STAT4: variants seen among roughly 807,000 people sequenced by gnomAD.
The protein encoded by STAT4 is signal transducer and activator of transcription 4.
Under a neutral mutation model 110.5 loss-of-function variants are expected in STAT4, and 42 were observed. That is an observed-to-expected ratio of 0.38 (90% confidence interval 0.30 to 0.49). The LOEUF is 0.49. Ranked by LOEUF, STAT4 falls within the 20% of genes least tolerant of loss-of-function variation. The pLI, the probability that STAT4 is intolerant of heterozygous loss-of-function variation, is 0.95. For missense variants in STAT4, 632 were observed against 887.9 expected (o/e 0.71, Z 3.66); for synonymous variants, 284 against 302.2 (o/e 0.94, Z 0.63).
intron 3 of STAT4, among the ~76,000 whole-genome samples, chr2:191,122,749 C>G (rs1320298917): frequency 1.3e-5 from 2 of 152,132 alleles, no homozygotes; most frequent in African/African-American, 4.8e-5. Context: ...TGAAAAAAGT[C>G]TAACTCCAGA....
intron 3 of STAT4, among the ~76,000 whole-genome samples, chr2:191,101,768 T>C (rs754249215): frequency 1.1e-4 from 17 of 152,130 alleles, no homozygotes; most frequent in Non-Finnish European, 2.2e-4. Flanking sequence ...GAGTGTTCAA[T>C]TGAAATTGTC....
intron 3 of STAT4, among the ~76,000 whole-genome samples, chr2:191,124,453 C>CA (rs34438452): frequency 0.062 from 4,392 of 71,048 alleles, 161 homozygotes; most frequent in East Asian, 0.084. Flanking sequence ...GACGCCGTCT[C>CA]AAAAAAAAAA....
rs1374625478 is a variant in STAT4 at position 191,043,260 on chromosome 2, C to T, written c.1252-2112G>A. 6.6e-6 allele frequency among the ~76,000 whole-genome samples: 1 copy of T among 151,654 alleles called. No homozygotes were observed. The highest frequency in any genetic ancestry group is 1.5e-5 in the Non-Finnish European group (1 of 67,924). On this transcript the variant is annotated intron_variant, in intron 14 of 23. Transcript: ENST00000392320. This position sits in a 1 kb window ranked among gnomAD's most constrained non-coding sequence, Gnocchi z 4.8. ...TAGACAAGTCAGTAAAAAGATTGGACATAAAGTAGAGGAAATTTCCCAGAA... is the reference window on the plus strand; with the variant it reads ...TAGACAAGTCAGTAAAAAGATTGGATATAAAGTAGAGGAAATTTCCCAGAA...
At chr2:191,067,328 A>T (rs1574725116) in intron 6 of STAT4, among the ~76,000 whole-genome samples, 1 of 152,262 alleles carries the variant, frequency 6.6e-6, no homozygotes, top group East Asian at 1.9e-4. Context: ...GCACACGTGA[A>T]GTGCTCGGAA....
Position 191,150,137 on chromosome 2 carries a change from A to C in STAT4, c.-2+810T>G, listed in dbSNP as rs1699557397. ...TTACAATTGTGTGTCAAATGAAAAT[A>C]AAAGGAAAATTAAAAAAAATAAAAA... On this transcript the variant is annotated intron_variant, in intron 1 of 23. Transcript: ENST00000392320. The surrounding 1 kb of genome is among the most constrained non-coding windows in gnomAD (Gnocchi z 6.4). Among the ~76,000 whole-genome samples, 1 of 152,230 alleles carries C rather than the reference A, an allele frequency of 6.6e-6. No homozygotes were observed. Among genetic ancestry groups the C allele is most frequent in the South Asian group, 2.1e-4 (1 of 4,834 alleles).
rs57036793 is a variant in STAT4 at position 191,140,415 on chromosome 2, C to T, written c.273+6198G>A. On this transcript the variant is annotated intron_variant, in intron 3 of 23. Coordinates refer to ENST00000392320, the MANE Select transcript of STAT4 (RefSeq NM_003151.4). The surrounding 1 kb of genome is among the most constrained non-coding windows in gnomAD (Gnocchi z 4.4). ...AATCAGCAAAAAAACTAATAATAAT[C>T]CCATCAAAAAGCGGGCAAAGGACTT... Among the ~76,000 whole-genome samples the T allele has an allele frequency of 1.8e-3, 278 of 152,258 alleles. No homozygotes were observed. The highest frequency in any genetic ancestry group is 6.4e-3 in the African/African-American group (267 of 41,548).
rs766658919 is a variant in STAT4, at chr2:191,091,450, A to T, written c.274-15125T>A. On this transcript the variant is annotated intron_variant, in intron 3 of 23. Transcript: ENST00000392320. The surrounding 1 kb of genome is among the most constrained non-coding windows in gnomAD (Gnocchi z 5.4). ...AAATCTGAGAAGACACATTAAAAAC[A>T]TAAATTCTAAATGTGAGAGACTTGT... 1.3e-5 allele frequency among the ~76,000 whole-genome samples: 2 copies of T among 152,242 alleles called. No homozygotes were observed. The highest frequency in any genetic ancestry group is 4.8e-5 in the African/African-American group (2 of 41,462).
chr2:191,149,749 C>T (rs114927509), intron 1 of STAT4, among the ~76,000 whole-genome samples: 132 of 152,224 alleles, frequency 8.7e-4, no homozygotes, highest in South Asian at 3.9e-3. Context: ...TGTTCTCATG[C>T]TACTATCAAC....
At chr2:191,094,917 CAAAAAAAAAAAAAA>C (rs1165913847) in intron 3 of STAT4, among the ~76,000 whole-genome samples, 1 of 77,920 alleles carries the variant, frequency 1.3e-5, no homozygotes, top group Non-Finnish European at 2.3e-5. Flanking sequence ...AAATGGAAAG[CAAAAAAAAAAAAAA>C]AAAAAAAGTA....
Position 191,140,368 on chromosome 2 carries a change from T to C in STAT4, c.273+6245A>G, listed in dbSNP as rs1040096695. 6.6e-6 allele frequency among the ~76,000 whole-genome samples: 1 copy of C among 152,094 alleles called. No homozygotes were observed. Among genetic ancestry groups the C allele is most frequent in the Non-Finnish European group, 1.5e-5 (1 of 67,976 alleles). On this transcript the variant is annotated intron_variant, in intron 3 of 23. Coordinates refer to ENST00000392320, the MANE Select transcript of STAT4 (RefSeq NM_003151.4). This position sits in a 1 kb window ranked among gnomAD's most constrained non-coding sequence, Gnocchi z 4.4. ...GTATCTGACAAAGGACTAATATCCA[T>C]AATCTGCAAGGAACTCAAACAAATC... is the stretch of plus-strand genomic sequence containing the variant.
rs1256061030 is a variant in STAT4 at position 191,061,523 on chromosome 2, C to T, written c.1034+206G>A. 6.6e-6 allele frequency among the ~76,000 whole-genome samples: 1 copy of T among 152,182 alleles called. No homozygotes were observed. Among genetic ancestry groups the T allele is most frequent in the Non-Finnish European group, 1.5e-5 (1 of 68,032 alleles). On this transcript the variant is annotated intron_variant, in intron 10 of 23. Coordinates refer to ENST00000392320, the MANE Select transcript of STAT4 (RefSeq NM_003151.4). The surrounding 1 kb of genome is among the most constrained non-coding windows in gnomAD (Gnocchi z 6.2). Reference sequence around the variant, plus strand: ...ACTTTCAGGCTAATATCCCTTATGTCCTCATCTGCACTGTCATGCTCTTGA... The same window carrying T: ...ACTTTCAGGCTAATATCCCTTATGTTCTCATCTGCACTGTCATGCTCTTGA...
In STAT4 at chr2:191,061,619, G is replaced by T. The variant is rs1574719485; in HGVS notation, c.1034+110C>A. The T allele has an allele frequency of 9.8e-7, 1 of 1,016,822 alleles. No individual in the cohort carries two copies. Among genetic ancestry groups the T allele is most frequent in the Non-Finnish European group, 1.6e-6 (1 of 642,970 alleles). The allele number at this position is 1,016,822 out of a possible 1,614,324, so 63.0% of individuals were successfully genotyped here. A position where few individuals can be genotyped will look rare whatever the true frequency, so the allele number is the denominator to read the frequency against. ...CTCAGAGCTGGGCACACAGCAGATG[G>T]TTCAATAAAGAACAGCTGAATGCAA... On this transcript the variant is annotated intron_variant, in intron 10 of 23. Transcript: ENST00000392320. The surrounding 1 kb of genome is among the most constrained non-coding windows in gnomAD (Gnocchi z 6.2).
chr2:191,041,076 T>C lies in STAT4; in HGVS notation c.1324A>G (p.Ile442Val), dbSNP rs764815073. 2 of 1,462,184 alleles carry C rather than the reference T, an allele frequency of 1.4e-6. No individual in the cohort carries two copies. The highest frequency in any genetic ancestry group is 1.5e-5 in the South Asian group (1 of 64,982). 90.6% of individuals were successfully genotyped at this position (1,462,184 alleles called of 1,614,324 possible). The change falls in exon 15 of 24, where the codon ATA becomes GTA. Residue 442 changes from isoleucine to valine, a missense_variant. Physicochemically the swap from Ile to Val is conservative, Grantham distance 29. This residue lies in a region of STAT4 where 488 missense variants were observed against 632.8 expected (regional missense o/e 0.77). Transcript: ENST00000392320. ...CTTGAAACACCTACCTCCAAATCTATGGTCAGGCCATAGAGGCAGATCTGT... is the reference window on the plus strand; with the variant it reads ...CTTGAAACACCTACCTCCAAATCTACGGTCAGGCCATAGAGGCAGATCTGT... ...ETQICLYGLT[I>V]DLETSSLPVV...
At chr2:191,131,997 C>T (rs1165820817) in intron 3 of STAT4, 7 of 1,220,934 alleles carry the variant, frequency 5.7e-6, no homozygotes, top group Middle Eastern at 2.1e-4. Context: ...GCATGAAACA[C>T]GCCATTCATT....
rs1697649509 is a variant in STAT4 at position 191,086,905 on chromosome 2, G to T, written c.274-10580C>A. ...TGCTCATGTTTGGACTTCTCAGAAA[G>T]TTCACTTGAACATCTGGTTTGAACT... On this transcript the variant is annotated intron_variant, in intron 3 of 23. Coordinates refer to ENST00000392320, the MANE Select transcript of STAT4 (RefSeq NM_003151.4). The surrounding 1 kb of genome is among the most constrained non-coding windows in gnomAD (Gnocchi z 5.5). 6.6e-6 allele frequency among the ~76,000 whole-genome samples: 1 copy of T among 152,140 alleles called. No individual in the cohort carries two copies. Among genetic ancestry groups the T allele is most frequent in the Admixed American group, 6.5e-5 (1 of 15,268 alleles).
rs890901208 is a variant in STAT4 at position 191,077,043 on chromosome 2, G to A, written c.274-718C>T. On this transcript the variant is annotated intron_variant, in intron 3 of 23. Coordinates refer to ENST00000392320, the MANE Select transcript of STAT4 (RefSeq NM_003151.4). This position sits in a 1 kb window ranked among gnomAD's most constrained non-coding sequence, Gnocchi z 4.1. ...TCTGTCCCTATTTGGTACTGTTTGT[G>A]TCAACTAGCTCATAGCTGCATTAGT... is the stretch of plus-strand genomic sequence containing the variant. 6.6e-6 allele frequency among the ~76,000 whole-genome samples: 1 copy of A among 152,146 alleles called. No individual in the cohort carries two copies. Among genetic ancestry groups the A allele is most frequent in the Non-Finnish European group, 1.5e-5 (1 of 68,036 alleles).
In STAT4 at chr2:191,112,476, C is replaced by T. The variant is rs1698450970; in HGVS notation, c.273+34137G>A. Among the ~76,000 whole-genome samples, 1 of 152,110 alleles carries T rather than the reference C, an allele frequency of 6.6e-6. No homozygotes were observed. The highest frequency in any genetic ancestry group is 2.4e-5 in the African/African-American group (1 of 41,404). ...AAATGGTCATCATTGTTCTAAGCCA[C>T]ATATATGCAAATGGATGAATACATA... On this transcript the variant is annotated intron_variant, in intron 3 of 23. Coordinates refer to ENST00000392320, the MANE Select transcript of STAT4 (RefSeq NM_003151.4). This position sits in a 1 kb window ranked among gnomAD's most constrained non-coding sequence, Gnocchi z 4.3.
rs572979569 is a variant in STAT4 at position 191,146,454 on chromosome 2, G to A, written c.273+159C>T. Among the ~76,000 whole-genome samples the A allele has an allele frequency of 1.6e-4, 24 of 152,174 alleles. No individual in the cohort carries two copies. Among genetic ancestry groups the A allele is most frequent in the African/African-American group, 5.8e-4 (24 of 41,540 alleles). On this transcript the variant is annotated intron_variant, in intron 3 of 23. Transcript: ENST00000392320. The surrounding 1 kb of genome is among the most constrained non-coding windows in gnomAD (Gnocchi z 4.5). The stretch of plus-strand genomic sequence containing the variant: ...TTATTTTCAACATTTCATGAAAAAT[G>A]TTAGGTAATAAAATTGAGCACAAAA...
At chr2:191,145,701 G>A (rs114907103) in intron 3 of STAT4, among the ~76,000 whole-genome samples, 2,683 of 152,270 alleles carry the variant, frequency 0.018, 41 homozygotes, top group South Asian at 0.047. Flanking sequence ...TTCTATTATA[G>A]TCTAGTTAAA....
Sources: allele counts gnomAD v4.1 joint callset (sites outside exome capture counted in the v4.1 genomes callset), GRCh38; gene constraint gnomAD v4.1.1; regional missense constraint gnomAD v4.1.1; non-coding constraint Gnocchi (gnomAD v3.1); transcripts MANE v1.5; gene names NCBI Gene and HGNC (gene_info 2026-07-23, HGNC 2026-07-21).